PTPRD: variants seen among roughly 807,000 people sequenced by gnomAD.
PTPRD encodes the protein receptor-type tyrosine-protein phosphatase delta.
PTPRD carries 34 observed loss-of-function variants against 214.5 expected under a neutral mutation model. The ratio of observed to expected loss-of-function variants is 0.16; its 90% confidence interval spans 0.12 to 0.21. The LOEUF (loss-of-function observed/expected upper bound fraction) is 0.21. PTPRD is among the 10% of genes least tolerant of loss of function. The pLI, the probability that PTPRD is intolerant of heterozygous loss-of-function variation, is 1.00. For missense variants in PTPRD, 2,545 were observed against 2,398.7 expected, an observed-to-expected ratio of 1.06 and a Z score of -1.27; for synonymous variants, 1,128 against 845.7, an observed-to-expected ratio of 1.33 and a Z score of -5.79.
At chr9:8,661,135 A>T (rs1478546661) in intron 12 of PTPRD, among the ~76,000 whole-genome samples, 5 of 152,078 alleles carry the variant, frequency 3.3e-5, no homozygotes, top group Non-Finnish European at 7.3e-5. Context: ...GCTCTTTTTC[A>T]TATGCCAGAC....
intron 3 of PTPRD, among the ~76,000 whole-genome samples, chr9:10,068,453 G>T (rs1320819606): frequency 6.6e-6 from 1 of 151,902 alleles, no homozygotes; most frequent in African/African-American, 2.4e-5. Context: ...TGGTCCTTTG[G>T]ATTGGTCTGC....
At chr9:8,420,786 T>C (rs1287564889) in intron 35 of PTPRD, among the ~76,000 whole-genome samples, 1 of 150,914 alleles carries the variant, frequency 6.6e-6, no homozygotes, top group Non-Finnish European at 1.5e-5. Context: ...GAGACATGAA[T>C]ACTACAGATC....
intron 3 of PTPRD, among the ~76,000 whole-genome samples, chr9:10,326,197 C>G (rs1244126916): frequency 2.0e-5 from 3 of 151,794 alleles, no homozygotes; most frequent in Admixed American, 6.6e-5. Context: ...AAGCTAGCAG[C>G]TAGACTGGGC....
At chr9:9,583,402 A>T (rs570282574) in intron 7 of PTPRD, among the ~76,000 whole-genome samples, 7 of 152,104 alleles carry the variant, frequency 4.6e-5, no homozygotes, top group Non-Finnish European at 1.0e-4. Context: ...TGTATTGAAA[A>T]GATTGACAAC....
At chr9:10,050,279 G>A (rs887423874) in intron 3 of PTPRD, among the ~76,000 whole-genome samples, 2 of 151,772 alleles carry the variant, frequency 1.3e-5, no homozygotes, top group Non-Finnish European at 2.9e-5. Context: ...ATTATGACTC[G>A]GCCGGGCTCG....
intron 11 of PTPRD, among the ~76,000 whole-genome samples, chr9:8,901,648 C>T (rs1169075585): frequency 6.6e-6 from 1 of 152,144 alleles, no homozygotes; most frequent in Admixed American, 6.6e-5. Flanking sequence ...AGCTGTTCCC[C>T]TTCTTTCTCT....
chr9:10,484,949 G>C (rs922871675), intron 2 of PTPRD, among the ~76,000 whole-genome samples: 1 of 151,894 alleles, frequency 6.6e-6, no homozygotes, highest in East Asian at 1.9e-4. Context: ...CAATGTCCCA[G>C]AGAGTTTCTC....
intron 36 of PTPRD, among the ~76,000 whole-genome samples, chr9:8,401,821 G>A (rs2130263258): frequency 6.6e-6 from 1 of 152,214 alleles, no homozygotes; most frequent in Non-Finnish European, 1.5e-5. Flanking sequence ...TAGCACCACT[G>A]AGAGAATAGA....
At chr9:8,851,009 A>G (rs1194784367) in intron 11 of PTPRD, among the ~76,000 whole-genome samples, 1 of 152,318 alleles carries the variant, frequency 6.6e-6, no homozygotes, top group East Asian at 1.9e-4. Context: ...GTAAAATTGT[A>G]CTGGTGAATC....
chr9:8,633,577 A>C, intron 13 of PTPRD, 119 bp from the exon 14 acceptor site: 2 of 1,189,834 alleles, frequency 1.7e-6, no homozygotes, highest in Non-Finnish European at 2.3e-6. Context: ...CATCATTCTG[A>C]AACTGAATTT....
At chr9:9,206,439 A>C (rs1330567324) in intron 9 of PTPRD, among the ~76,000 whole-genome samples, 3 of 152,160 alleles carry the variant, frequency 2.0e-5, no homozygotes, top group African/African-American at 7.2e-5. Flanking sequence ...GAGGGTTGTG[A>C]TGGTTAATAT....
At chr9:9,581,133 T>C (rs2090641764) in intron 7 of PTPRD, among the ~76,000 whole-genome samples, 3 of 152,128 alleles carry the variant, frequency 2.0e-5, no homozygotes, top group South Asian at 2.1e-4. Flanking sequence ...TCTGTAAGAA[T>C]AGTAAATAGA....
chr9:10,191,105 G>C (rs957499919), intron 3 of PTPRD, among the ~76,000 whole-genome samples: 6 of 152,096 alleles, frequency 3.9e-5, no homozygotes, highest in East Asian at 1.9e-4. Context: ...ACTCAAGACT[G>C]TTAATAACAT....
intron 12 of PTPRD, among the ~76,000 whole-genome samples, chr9:8,683,460 A>T (rs2097594424): frequency 6.6e-6 from 1 of 152,016 alleles, no homozygotes; most frequent in African/African-American, 2.4e-5. Flanking sequence ...AGTTGTTTGC[A>T]AACAGTTCAC....
At chr9:8,609,389 G>C (rs757349176) in intron 14 of PTPRD, among the ~76,000 whole-genome samples, 1 of 152,138 alleles carries the variant, frequency 6.6e-6, no homozygotes, top group South Asian at 2.1e-4. Flanking sequence ...ATGTTTTGTG[G>C]TTTTGTCATC....
At chr9:9,392,110 G>T (rs1455731180) in intron 9 of PTPRD, among the ~76,000 whole-genome samples, 2 of 152,178 alleles carry the variant, frequency 1.3e-5, no homozygotes, top group East Asian at 3.9e-4. Flanking sequence ...CGGAAAAGCA[G>T]TGAGGCAAAA....
chr9:8,510,228 G>A (rs938254896), intron 21 of PTPRD, among the ~76,000 whole-genome samples: 1 of 152,122 alleles, frequency 6.6e-6, no homozygotes, highest in Non-Finnish European at 1.5e-5. Context: ...GGAGCGTGAG[G>A]CTACAGTGAA....
intron 9 of PTPRD, among the ~76,000 whole-genome samples, chr9:9,315,424 T>A (rs1962204629): frequency 4.6e-5 from 7 of 152,006 alleles, no homozygotes; most frequent in Admixed American, 4.6e-4. Flanking sequence ...TTATCTAGGA[T>A]AATTAGGTTT....
chr9:9,371,237 G>A (rs2059408785), intron 9 of PTPRD, among the ~76,000 whole-genome samples: 7 of 152,010 alleles, frequency 4.6e-5, no homozygotes, highest in Admixed American at 4.6e-4. Flanking sequence ...GAATCCATCT[G>A]GTCCTGGACT....
Sources: allele counts gnomAD v4.1 joint callset (sites outside exome capture counted in the v4.1 genomes callset), GRCh38; gene constraint gnomAD v4.1.1; transcripts MANE v1.5; gene names NCBI Gene and HGNC (gene_info 2026-07-23, HGNC 2026-07-21).